The following FOXP1 variants were observed in gnomAD, a reference collection of about 807,000 sequenced individuals.
The protein encoded by FOXP1 is forkhead box P1.
FOXP1 carries 15 observed loss-of-function variants against 98.2 expected under a neutral mutation model. The observed-to-expected ratio is 0.15, with a 90% CI of 0.10 to 0.24. FOXP1 has a LOEUF of 0.24. Among genes scored for constraint, FOXP1 ranks in the 10% least tolerant of loss-of-function variants. The pLI, the probability that FOXP1 is intolerant of heterozygous loss-of-function variation, is 1.00. For missense variants in FOXP1, 633 were observed against 848.5 expected, an observed-to-expected ratio of 0.75 and a Z score of 3.15; for synonymous variants, 371 against 314.5, an observed-to-expected ratio of 1.18 and a Z score of -1.90.
At chr3:71,085,797 T>C (rs2055022190) in intron 7 of FOXP1, among the ~76,000 whole-genome samples, 2 of 139,942 alleles carry the variant, frequency 1.4e-5, no homozygotes, top group South Asian at 4.7e-4. Context: ...TGGTGTGATC[T>C]TGGCTCACTG....
chr3:71,240,175 T>C (rs2067129972), intron 5 of FOXP1, among the ~76,000 whole-genome samples: 1 of 152,258 alleles, frequency 6.6e-6, no homozygotes. Context: ...TTTAGGCCTA[T>C]GACCCTTTTA....
chr3:70,976,380 A>AAAG (rs566170973), intron 17 of FOXP1, among the ~76,000 whole-genome samples: 63 of 152,270 alleles, frequency 4.1e-4, no homozygotes, highest in Non-Finnish European at 2.4e-4. Context: ...AAAACCAAAA[A>AAAG]AAGAAAAACA....
intron 11 of FOXP1, among the ~76,000 whole-genome samples, chr3:71,037,507 G>A (rs2047749104): frequency 1.3e-5 from 2 of 152,118 alleles, no homozygotes; most frequent in South Asian, 4.1e-4. Flanking sequence ...AAGAAGTCGA[G>A]ACTCTCTGTC....
intron 10 of FOXP1, among the ~76,000 whole-genome samples, chr3:71,043,500 A>T (rs1053199012): frequency 4.1e-4 from 63 of 152,180 alleles, no homozygotes; most frequent in African/African-American, 1.5e-3. Context: ...TCTGCACACC[A>T]ACAATTACCT....
At chr3:71,097,656 G>A (rs1360713571) in intron 7 of FOXP1, among the ~76,000 whole-genome samples, 3 of 152,122 alleles carry the variant, frequency 2.0e-5, no homozygotes, top group African/African-American at 4.8e-5. Flanking sequence ...ATCAGAATGC[G>A]CCTTGCAGGA....
At position 71,427,886 on chromosome 3, in the gene FOXP1, G is replaced by A. The variant is rs550460098; in HGVS notation, c.-168+65540C>T. On this transcript the variant is annotated intron_variant, in intron 3 of 20. Transcript: ENST00000649528. ...CAAATCCCATCTCAGAAATGCCTAT[G>A]TGGAGATCTGAATGAAGGTCAGGGG... 2.6e-5 allele frequency among the ~76,000 whole-genome samples: 4 copies of A among 152,332 alleles called. No individual in the cohort carries two copies. In the South Asian group the frequency reaches 8.3e-4, roughly 32 times the overall value.
At chr3:71,310,741 G>A (rs1039002929) in intron 4 of FOXP1, among the ~76,000 whole-genome samples, 3 of 152,228 alleles carry the variant, frequency 2.0e-5, no homozygotes, top group Admixed American at 2.0e-4. Flanking sequence ...GACACACACA[G>A]TGAATCCAGC....
intron 11 of FOXP1, among the ~76,000 whole-genome samples, chr3:71,036,938 A>G (rs1407299562): frequency 6.6e-6 from 1 of 152,220 alleles, no homozygotes; most frequent in Non-Finnish European, 1.5e-5. Flanking sequence ...GTAATTTAGT[A>G]TTCACTTCTA....
At chr3:71,009,396 G>T (rs2043257325) in intron 12 of FOXP1, among the ~76,000 whole-genome samples, 1 of 151,990 alleles carries the variant, frequency 6.6e-6, no homozygotes, top group Non-Finnish European at 1.5e-5. Context: ...GTACCCCAAT[G>T]GCAGAGCTAA....
chr3:71,270,558 TA>T (rs974296804), intron 5 of FOXP1, among the ~76,000 whole-genome samples: 3 of 152,306 alleles, frequency 2.0e-5, no homozygotes, highest in South Asian at 2.1e-4. Flanking sequence ...AGAACAAGCA[TA>T]AAAATATTAT....
At chr3:71,354,164 A>AT (rs895194484) in intron 4 of FOXP1, among the ~76,000 whole-genome samples, 1 of 151,564 alleles carries the variant, frequency 6.6e-6, no homozygotes, top group Non-Finnish European at 1.5e-5. Flanking sequence ...AAAAAAAAAA[A>AT]AATACTAGGG....
Position 71,036,567 on chromosome 3 carries a change from T to C in FOXP1, c.869+4761A>G, listed in dbSNP as rs1006003915. Among the ~76,000 whole-genome samples the C allele has an allele frequency of 2.6e-5, 4 of 152,258 alleles. No individual in the cohort carries two copies. In the East Asian group the frequency reaches 5.8e-4, roughly 22 times the overall value. ...AAGGGAATATTTCTGATTTGGACTA[T>C]AGAGGACAGCTGAAATGAAATAAAA... is the stretch of plus-strand genomic sequence containing the variant. On this transcript the variant is annotated intron_variant, in intron 11 of 20. Transcript: ENST00000649528.
intron 5 of FOXP1, among the ~76,000 whole-genome samples, chr3:71,230,507 A>G (rs2066197953): frequency 6.6e-6 from 1 of 152,210 alleles, no homozygotes; most frequent in Admixed American, 6.5e-5. Context: ...TCCTTTACCT[A>G]TGACAGTAAA....
intron 5 of FOXP1, among the ~76,000 whole-genome samples, chr3:71,249,753 T>A: frequency 6.6e-6 from 1 of 151,952 alleles, no homozygotes; most frequent in Non-Finnish European, 1.5e-5. Flanking sequence ...CTCCACTCAG[T>A]TGGAAGGGAG....
chr3:71,556,276 C>T (rs904568123), intron 2 of FOXP1, among the ~76,000 whole-genome samples: 9 of 151,860 alleles, frequency 5.9e-5, no homozygotes, highest in African/African-American at 2.2e-4. Context: ...AATTCTATAC[C>T]ATCTTTCACC....
chr3:71,022,679 T>C (rs762034185), intron 11 of FOXP1, among the ~76,000 whole-genome samples: 3 of 152,220 alleles, frequency 2.0e-5, no homozygotes, highest in Non-Finnish European at 4.4e-5. Context: ...TTTGTCATGA[T>C]AGCTCTGCTT....
At chr3:71,050,261 C>T (rs1233577373) in intron 9 of FOXP1, among the ~76,000 whole-genome samples, 2 of 152,144 alleles carry the variant, frequency 1.3e-5, no homozygotes, top group Non-Finnish European at 2.9e-5. Context: ...TTTCCCCTTC[C>T]CATTTCTTTA....
chr3:71,136,672 T>G (rs958600272), intron 6 of FOXP1, among the ~76,000 whole-genome samples: 1 of 152,228 alleles, frequency 6.6e-6, no homozygotes, highest in Admixed American at 6.5e-5. Context: ...GCTAAGTCCA[T>G]CAACAACTGT....
At chr3:71,502,980 G>GGA in intron 2 of FOXP1, among the ~76,000 whole-genome samples, 1 of 141,530 alleles carries the variant, frequency 7.1e-6, no homozygotes, top group African/African-American at 2.6e-5. Context: ...TTTACAATTA[G>GGA]AAAAAAAAAA....
Sources: gnomAD v4.1 joint callset for allele counts (sites outside exome capture counted in the v4.1 genomes callset) on GRCh38, gnomAD v4.1.1 for gene constraint, MANE v1.5 for transcripts, NCBI Gene and HGNC (gene_info 2026-07-23, HGNC 2026-07-21) for gene names.